The following FCAMR variants were observed in gnomAD, a reference collection of about 807,000 sequenced individuals.
The protein encoded by FCAMR is high affinity immunoglobulin alpha and immunoglobulin mu Fc receptor.
Under a neutral mutation model 52.2 loss-of-function variants are expected in FCAMR, and 51 were observed. The observed-to-expected ratio is 0.98, with a 90% CI of 0.78 to 1.23. The LOEUF (loss-of-function observed/expected upper bound fraction) is 1.23. Among genes scored for constraint, FCAMR ranks in the 50% most tolerant of loss-of-function variants. FCAMR has a pLI of 0.00. For synonymous variants in FCAMR, 282 were observed against 262.0 expected, an observed-to-expected ratio of 1.08 and a Z score of -0.74; for missense variants, 719 against 712.6, an observed-to-expected ratio of 1.01 and a Z score of -0.10.
intron 1 of FCAMR, among the ~76,000 whole-genome samples, chr1:206,969,819 C>T (rs1211437145): frequency 6.6e-6 from 1 of 152,202 alleles, no homozygotes; most frequent in Non-Finnish European, 1.5e-5. Flanking sequence ...GCATGTTCTC[C>T]GTGTTTCTTC....
Position 206,960,770 on chromosome 1 carries a change from G to T in FCAMR, c.1106C>A (p.Ala369Asp), listed in dbSNP as rs565464662. The T allele has an allele frequency of 6.4e-7, 1 of 1,552,358 alleles. No homozygotes were observed. The highest frequency in any genetic ancestry group is 2.4e-5 in the East Asian group (1 of 40,920). Residue 369 changes from alanine to aspartate, a missense_variant, in exon 6 of 8, where the codon GCC becomes GAC. Ala to Asp is a moderately radical substitution (Grantham distance 126, BLOSUM62 -2). Coordinates refer to ENST00000324852, the MANE Select transcript of FCAMR (RefSeq NM_001170631.2). ...IEGVRIALDA[A>D]KKVLGTIGPP... ...CCCAATGGTTCCTAGGACCTTTTTG[G>T]CTGCATCAAGAGCTATCCTGACCCC...
In FCAMR at chr1:206,958,282, T is replaced by C; in HGVS notation, c.*234A>G. On this transcript the variant is annotated 3_prime_UTR_variant, in exon 8 of 8. Transcript: ENST00000324852. ...TTCCTAGGTGACCTCTTCCAGTGTT[T>C]CATACACTGTTCTTGAAGTCTCCTT... 2 of 498,844 alleles carry C rather than the reference T, an allele frequency of 4.0e-6. No individual in the cohort carries two copies. Among genetic ancestry groups the C allele is most frequent in the Admixed American group, 7.3e-5 (2 of 27,282 alleles). The allele number at this position is 498,844 out of a possible 1,614,324, so 30.9% of individuals were successfully genotyped here. A position where few individuals can be genotyped will look rare whatever the true frequency, so the allele number is the denominator to read the frequency against.
At position 206,970,067 on chromosome 1, in the gene FCAMR, A is replaced by T; in HGVS notation, c.39+20T>A. 1 of 1,614,082 alleles carries T rather than the reference A, an allele frequency of 6.2e-7. No individual in the cohort carries two copies. Among genetic ancestry groups the T allele is most frequent in the Non-Finnish European group, 8.5e-7 (1 of 1,179,954 alleles). The stretch of plus-strand genomic sequence containing the variant: ...ATTCAGAGGCAAGATCCCAACCTCC[A>T]GGAGAAAGCATCATTTCACCTTTTG... On this transcript the variant is annotated intron_variant, in intron 1 of 7. Transcript: ENST00000324852.
rs1415791884 is a variant in FCAMR, at chr1:206,965,947, A to C, written c.170-89T>G. ...GAGGAAGAAGCAAACAGCCAGTTCC[A>C]AACCCCTGCCAGGCCAGATAGCTCC... On this transcript the variant is annotated intron_variant, in intron 3 of 7. Coordinates refer to ENST00000324852, the MANE Select transcript of FCAMR (RefSeq NM_001170631.2). 4 of 1,575,412 alleles carry C rather than the reference A, an allele frequency of 2.5e-6. No individual in the cohort carries two copies. The Admixed American group carries it at 5.3e-5, about 21-fold the overall frequency.
At chr1:206,966,046 C>A (rs962087408) in intron 3 of FCAMR, 188 bp from the exon 4 acceptor site, 1 of 739,654 alleles carries the variant, frequency 1.4e-6, no homozygotes, top group Non-Finnish European at 2.3e-6. Context: ...TTGCTGGGGT[C>A]TCAAGCAGCA....
rs199888272 is a variant in FCAMR at position 206,969,709 on chromosome 1, C to CACAGA, written c.39+373_39+377dup. 3.7e-3 allele frequency among the ~76,000 whole-genome samples: 567 copies of CACAGA among 152,280 alleles called. 2 individuals carry two copies. The highest frequency in any genetic ancestry group is 7.2e-3 in the South Asian group (35 of 4,828). On this transcript the variant is annotated intron_variant, in intron 1 of 7. Coordinates refer to ENST00000324852, the MANE Select transcript of FCAMR (RefSeq NM_001170631.2). ...AGTCAGTGTAGTATAGAGGAGAGAG[C>CACAGA]ACAGAACCAGGACTCAGGAGGGGCT...
chr1:206,961,309 T>A, intron 5 of FCAMR, 86 bp from the exon 6 acceptor site: 1 of 1,128,028 alleles, frequency 8.9e-7, no homozygotes, highest in Non-Finnish European at 1.2e-6. Flanking sequence ...TTAAAATGTC[T>A]GCTAAGTGGA....
chr1:206,970,248 A>G lies in FCAMR; in HGVS notation c.-123T>C, dbSNP rs1028119633. On this transcript the variant is annotated 5_prime_UTR_variant, in exon 1 of 8. Coordinates refer to ENST00000324852, the MANE Select transcript of FCAMR (RefSeq NM_001170631.2). Reference sequence around the variant, plus strand: ...GAGAAGTCAAGGTGGTATTTTGGAAAGCAGCTGGAGCTAGCAACGGAAGGT... The same window carrying G: ...GAGAAGTCAAGGTGGTATTTTGGAAGGCAGCTGGAGCTAGCAACGGAAGGT... 13 of 1,121,038 alleles carry G rather than the reference A, an allele frequency of 1.2e-5. No individual in the cohort carries two copies. The Admixed American group carries it at 1.3e-4, about 11-fold the overall frequency. The allele number at this position is 1,121,038 out of a possible 1,614,324, so 69.4% of individuals were successfully genotyped here. A position where few individuals can be genotyped will look rare whatever the true frequency, so the allele number is the denominator to read the frequency against.
intron 5 of FCAMR, among the ~76,000 whole-genome samples, chr1:206,961,637 T>C (rs758700020): frequency 8.5e-5 from 13 of 152,236 alleles, no homozygotes; most frequent in Non-Finnish European, 1.6e-4. Flanking sequence ...CTAACCTGCT[T>C]TCAGGCTGCC....
At chr1:206,965,938 G>C in intron 3 of FCAMR, 80 bp from the exon 4 acceptor site, 1 of 1,592,902 alleles carries the variant, frequency 6.3e-7, no homozygotes, top group Non-Finnish European at 8.6e-7. Flanking sequence ...GAAGCAAACA[G>C]CCAGTTCCAA....
intron 4 of FCAMR, among the ~76,000 whole-genome samples, chr1:206,965,447 T>C (rs1289245534): frequency 6.6e-6 from 1 of 152,260 alleles, no homozygotes; most frequent in Non-Finnish European, 1.5e-5. Context: ...GGAAATTTTA[T>C]ATTAACTACC....
rs1311254933 is a variant in FCAMR, at chr1:206,960,474, T to G, written c.1402A>C (p.Thr468Pro). The G allele has an allele frequency of 6.5e-7, 1 of 1,543,250 alleles. No individual in the cohort carries two copies. The highest frequency in any genetic ancestry group is 8.7e-7 in the Non-Finnish European group (1 of 1,142,928). ...DRGPQATLSQTPAVGPWGPPG... is the reference protein window; with the variant it reads ...DRGPQATLSQPPAVGPWGPPG... ...GGTCCCCAGGGTCCTACTGCCGGGG[T>G]CTGGCTCAGTGTTGCTTGGGGACCT... The change falls in exon 6 of 8, where the codon ACC becomes CCC. Residue 468 changes from threonine (T) to proline (P), a missense_variant. Physicochemically the swap from Thr to Pro is conservative, Grantham distance 38. Coordinates refer to ENST00000324852, the MANE Select transcript of FCAMR (RefSeq NM_001170631.2).
At chr1:206,967,746 T>C in intron 1 of FCAMR, 95 bp from the exon 2 acceptor site, 1 of 1,146,960 alleles carries the variant, frequency 8.7e-7, no homozygotes, top group Non-Finnish European at 1.3e-6. Flanking sequence ...AAATTAAATC[T>C]CAGACCAAGT....
At chr1:206,967,024 C>G in intron 3 of FCAMR, 28 bp downstream of exon 3, 3 of 1,613,140 alleles carry the variant, frequency 1.9e-6, no homozygotes, top group Non-Finnish European at 2.5e-6. Context: ...TTTGTAAGCC[C>G]TGAACCTGGG....
intron 5 of FCAMR, 37 bp downstream of exon 5, chr1:206,962,176 C>CT (rs776188186): frequency 1.3e-5 from 21 of 1,591,386 alleles, no homozygotes; most frequent in Non-Finnish European, 1.6e-5. Context: ...CTAGAACGTG[C>CT]TTCACCAAGC....
chr1:206,960,540 C>A lies in FCAMR; in HGVS notation c.1336G>T (p.Gly446Ter). 1 of 1,551,718 alleles carries A rather than the reference C, an allele frequency of 6.4e-7. No individual in the cohort carries two copies. The highest frequency in any genetic ancestry group is 8.7e-7 in the Non-Finnish European group (1 of 1,146,952). Residue 446 changes from glycine (G) to a stop codon, truncating the protein, a stop_gained, in exon 6 of 8, where the codon GGA (glycine) becomes TGA (stop). Transcript: ENST00000324852. LOFTEE classifies it high-confidence loss of function. ...GCATCTAGGTCCCCTGCAGCGCTTC[C>A]TTCCCCAGATGCTGCCTCCATGCTG... is the stretch of plus-strand genomic sequence containing the variant. ...WTSMEAASGEGSAAGDLDAAT... is the reference protein window; with the variant it reads ...WTSMEAASGE
At chr1:206,962,745 T>C (rs1225201700) in intron 4 of FCAMR, among the ~76,000 whole-genome samples, 194 bp from the exon 5 acceptor site, 1 of 152,140 alleles carries the variant, frequency 6.6e-6, no homozygotes, top group Non-Finnish European at 1.5e-5. Flanking sequence ...GTATGGAAGA[T>C]GAAAATGTAA....
At chr1:206,963,821 T>C (rs1428874051) in intron 4 of FCAMR, among the ~76,000 whole-genome samples, 1 of 152,194 alleles carries the variant, frequency 6.6e-6, no homozygotes, top group Non-Finnish European at 1.5e-5. Context: ...GCCTACCAGA[T>C]GTATTTTTAG....
At chr1:206,962,166 C>T in intron 5 of FCAMR, 47 bp downstream of exon 5, 1 of 1,576,644 alleles carries the variant, frequency 6.3e-7, no homozygotes, top group South Asian at 1.1e-5. Flanking sequence ...TTTCTCCTTC[C>T]TAGAACGTGC....
Sources: allele counts gnomAD v4.1 joint callset (sites outside exome capture counted in the v4.1 genomes callset), GRCh38; gene constraint gnomAD v4.1.1; transcripts MANE v1.5; gene names NCBI Gene and HGNC (gene_info 2026-07-23, HGNC 2026-07-21).